Variants in CENPE observed in about 807,000 individuals in gnomAD.
CENPE encodes centromere-associated protein E.
CENPE carries 145 observed loss-of-function variants against 336.1 expected under a neutral mutation model. The observed-to-expected ratio is 0.43, with a 90% CI of 0.38 to 0.50. The LOEUF (loss-of-function observed/expected upper bound fraction) is 0.50, where lower values mean the gene tolerates loss of function less well. Among genes scored for constraint, CENPE ranks in the 20% least tolerant of loss-of-function variants. The pLI, the probability that CENPE is intolerant of heterozygous loss-of-function variation, is 0.00. For synonymous variants in CENPE, 1,013 were observed against 984.8 expected (o/e 1.03, Z -0.54); for missense variants, 2,719 against 3,023.3 (o/e 0.90, Z 2.36).
At chr4:103,110,060 C>CT (rs1749253468) in intron 47 of CENPE, among the ~76,000 whole-genome samples, 1 of 152,190 alleles carries the variant, frequency 6.6e-6, no homozygotes, top group African/African-American at 2.4e-5. Flanking sequence ...CTTCCCTCAT[C>CT]TAGCCTAATT....
intron 8 of CENPE, among the ~76,000 whole-genome samples, chr4:103,193,244 TCA>T (rs1402009912): frequency 6.6e-6 from 1 of 152,094 alleles, no homozygotes; most frequent in Non-Finnish European, 1.5e-5. Flanking sequence ...ATATGAAATA[TCA>T]CAGTCTTGGA....
At chr4:103,140,460 G>A (rs762115225) in intron 36 of CENPE, 46 bp from the exon 37 acceptor site, 19 of 1,270,352 alleles carry the variant, frequency 1.5e-5, no homozygotes, top group African/African-American at 6.1e-5. Flanking sequence ...ATAAAGGCAC[G>A]TTACCTTTAC....
chr4:103,186,010 T>C, intron 8 of CENPE, 149 bp from the exon 9 acceptor site: 1 of 510,978 alleles, frequency 2.0e-6, no homozygotes, highest in East Asian at 3.2e-5. Context: ...ATTCCCTTTT[T>C]TCTCTGAGTC....
Position 103,177,074 on chromosome 4 carries a change from C to A in CENPE, c.1243-28G>T. The A allele has an allele frequency of 1.9e-6, 3 of 1,559,012 alleles. No individual in the cohort carries two copies. In the South Asian group the frequency reaches 3.5e-5, roughly 18 times the overall value. ...AAAGAAGAAGAAATCAAAATTATGT[C>A]ATATAGATCTGTATTCAAACATAAT... is the stretch of plus-strand genomic sequence containing the variant. On this transcript the variant is annotated intron_variant, in intron 13 of 48. Coordinates refer to ENST00000265148, the MANE Select transcript of CENPE (RefSeq NM_001813.3).
chr4:103,188,772 C>A (rs548566286), intron 8 of CENPE, among the ~76,000 whole-genome samples: 14 of 151,910 alleles, frequency 9.2e-5, no homozygotes, highest in South Asian at 8.3e-4. Flanking sequence ...AGCTAGCAGA[C>A]GGCAAGCAAT....
intron 18 of CENPE, among the ~76,000 whole-genome samples, chr4:103,161,934 G>T (rs968081491): frequency 3.3e-5 from 5 of 151,736 alleles, no homozygotes; most frequent in Non-Finnish European, 7.4e-5. Context: ...AAAAATACAT[G>T]AAAAAAATCT....
chr4:103,150,765 A>T (rs948751157), intron 26 of CENPE, among the ~76,000 whole-genome samples: 2 of 152,214 alleles, frequency 1.3e-5, no homozygotes, highest in African/African-American at 4.8e-5. Context: ...TTACACAAAT[A>T]TCCCAATAAC....
intron 42 of CENPE, among the ~76,000 whole-genome samples, chr4:103,128,068 A>C (rs1751280867): frequency 6.6e-6 from 1 of 152,146 alleles, no homozygotes; most frequent in Non-Finnish European, 1.5e-5. Context: ...TAGAAAGTAA[A>C]GGGATGGAGA....
intron 46 of CENPE, among the ~76,000 whole-genome samples, chr4:103,113,114 TTATAAG>T (rs1187874909): frequency 4.2e-5 from 5 of 119,874 alleles, no homozygotes; most frequent in Admixed American, 9.5e-5. Flanking sequence ...ATATATATAC[TTATAAG>T]TATATGTGTA....
intron 26 of CENPE, among the ~76,000 whole-genome samples, chr4:103,150,508 A>AG (rs1330215426): frequency 1.3e-5 from 2 of 151,860 alleles, no homozygotes; most frequent in Non-Finnish European, 2.9e-5. Context: ...GCCTGAACCC[A>AG]GGGGGGGTTG....
chr4:103,119,110 C>G (rs1373842550), intron 44 of CENPE, among the ~76,000 whole-genome samples: 1 of 152,130 alleles, frequency 6.6e-6, no homozygotes, highest in Non-Finnish European at 1.5e-5. Flanking sequence ...CCATGTACCC[C>G]CTTGTCTGGC....
At chr4:103,138,500 C>A in intron 38 of CENPE, 51 bp from the exon 39 acceptor site, 1 of 1,141,984 alleles carries the variant, frequency 8.8e-7, no homozygotes, top group Non-Finnish European at 1.3e-6. Context: ...ACTATATTCA[C>A]ATATAATGTC....
rs113799102 is a variant in CENPE, at chr4:103,126,451, C to T, written c.6925-3362G>A. Among the ~76,000 whole-genome samples, 251 of 152,284 alleles carry T rather than the reference C, an allele frequency of 1.6e-3. 3 individuals carry two copies. The highest frequency in any genetic ancestry group is 5.6e-3 in the African/African-American group (231 of 41,554). On this transcript the variant is annotated intron_variant, in intron 42 of 48. Coordinates refer to ENST00000265148, the MANE Select transcript of CENPE (RefSeq NM_001813.3). ...TATACTCCGCCTGCCACCCACCACA[C>T]ACACCTTGCCACTACATTACTAAAG...
chr4:103,188,917 G>C (rs548384050), intron 8 of CENPE, among the ~76,000 whole-genome samples: 1 of 152,120 alleles, frequency 6.6e-6, no homozygotes, highest in Non-Finnish European at 1.5e-5. Flanking sequence ...AAGAAGAAAA[G>C]AGAGAAGAAT....
chr4:103,181,907 C>T (rs992059212), intron 11 of CENPE: 1 of 154,554 alleles, frequency 6.5e-6, no homozygotes, highest in Non-Finnish European at 1.4e-5. Flanking sequence ...ACTCTAGTTT[C>T]TCTTTGCACC....
At position 103,127,114 on chromosome 4, in the gene CENPE, C is replaced by CAAA. The variant is rs1246212242; in HGVS notation, c.6925-4028_6925-4026dup. The stretch of plus-strand genomic sequence containing the variant: ...GACAAATATAAAAAAAAAAAAAAAC[C>CAAA]AAAAAAACCCCCGAAAAAAAACCCC... On this transcript the variant is annotated intron_variant, in intron 42 of 48. Transcript: ENST00000265148. Among the ~76,000 whole-genome samples the CAAA allele has an allele frequency of 2.2e-3, 270 of 122,886 alleles. 2 individuals are homozygous for CAAA. The highest frequency in any genetic ancestry group is 3.4e-3 in the Non-Finnish European group (186 of 54,828). 80.6% of individuals were successfully genotyped at this position (122,886 alleles called of 152,430 possible).
intron 34 of CENPE, 108 bp downstream of exon 34, chr4:103,143,140 A>G: frequency 1.5e-6 from 1 of 668,532 alleles, no homozygotes; most frequent in Non-Finnish European, 2.5e-6. Flanking sequence ...TGAGTAGGCA[A>G]GTAAGTCTTC....
At chr4:103,114,791 C>G (rs1749933520) in intron 45 of CENPE, among the ~76,000 whole-genome samples, 1 of 152,160 alleles carries the variant, frequency 6.6e-6, no homozygotes, top group Non-Finnish European at 1.5e-5. Flanking sequence ...TTGAGAAACC[C>G]CAGTTCTTTT....
chr4:103,134,945 G>A (rs1479682900), intron 40 of CENPE, among the ~76,000 whole-genome samples: 1 of 152,156 alleles, frequency 6.6e-6, no homozygotes, highest in African/African-American at 2.4e-5. Flanking sequence ...TCACCACATT[G>A]AGAGAATATC....
Sources: allele counts gnomAD v4.1 joint callset (sites outside exome capture counted in the v4.1 genomes callset), GRCh38; gene constraint gnomAD v4.1.1; transcripts MANE v1.5; gene names NCBI Gene and HGNC (gene_info 2026-07-23, HGNC 2026-07-21).